Variants in SH3GL2 observed in about 807,000 individuals in gnomAD.
SH3GL2 encodes endophilin-A1.
A neutral mutation model predicts 46.0 loss-of-function variants in SH3GL2; 24 were observed. The observed-to-expected ratio is 0.52, with a 90% CI of 0.38 to 0.73. SH3GL2 has a LOEUF of 0.73. Among genes scored for constraint, SH3GL2 ranks in the 30% least tolerant of loss-of-function variants. SH3GL2 has a pLI of 0.00. For synonymous variants in SH3GL2, 196 were observed against 147.1 expected (o/e 1.33, Z -2.40); for missense variants, 413 against 424.2 (o/e 0.97, Z 0.23).
chr9:17,699,096 A>T (rs953519011), intron 1 of SH3GL2, among the ~76,000 whole-genome samples: 1 of 145,126 alleles, frequency 6.9e-6, no homozygotes, highest in Non-Finnish European at 1.5e-5. Flanking sequence ...CAGAGGTTGC[A>T]GTGAGCCGAG....
chr9:17,761,815 CT>C (rs1823183612), intron 3 of SH3GL2, among the ~76,000 whole-genome samples: 1 of 152,132 alleles, frequency 6.6e-6, no homozygotes, highest in Non-Finnish European at 1.5e-5. Flanking sequence ...TCAGTTTGAA[CT>C]TTCAAGAGAT....
chr9:17,661,489 G>T (rs1820213510), intron 1 of SH3GL2, among the ~76,000 whole-genome samples: 1 of 152,160 alleles, frequency 6.6e-6, no homozygotes, highest in South Asian at 2.1e-4. Flanking sequence ...GTAAAACAGA[G>T]CTAGGGTTTT....
At chr9:17,633,718 G>A (rs576133992) in intron 1 of SH3GL2, among the ~76,000 whole-genome samples, 34 of 152,284 alleles carry the variant, frequency 2.2e-4, no homozygotes, top group Non-Finnish European at 4.3e-4. Context: ...GGAAATAAAG[G>A]CTGAAAACAG....
At chr9:17,622,714 G>C (rs1302380397) in intron 1 of SH3GL2, among the ~76,000 whole-genome samples, 1 of 152,150 alleles carries the variant, frequency 6.6e-6, no homozygotes, top group African/African-American at 2.4e-5. Flanking sequence ...CTGGTAGGTA[G>C]GTGCTCTTGA....
chr9:17,766,270 C>A (rs1253171737), intron 3 of SH3GL2, among the ~76,000 whole-genome samples: 1 of 152,142 alleles, frequency 6.6e-6, no homozygotes, highest in African/African-American at 2.4e-5. Flanking sequence ...TTCGAGAACG[C>A]AGGACAGACA....
chr9:17,664,272 G>T (rs1000125959), intron 1 of SH3GL2, among the ~76,000 whole-genome samples: 1 of 152,146 alleles, frequency 6.6e-6, no homozygotes, highest in Admixed American at 6.5e-5. Flanking sequence ...AGCAAAGCAA[G>T]CTTCCTTTTA....
chr9:17,716,035 C>G (rs566467165), intron 1 of SH3GL2, among the ~76,000 whole-genome samples: 3 of 152,150 alleles, frequency 2.0e-5, no homozygotes, highest in South Asian at 2.1e-4. Flanking sequence ...TTAAGTTGAA[C>G]TATCATAAAT....
At chr9:17,689,014 C>G (rs906200747) in intron 1 of SH3GL2, among the ~76,000 whole-genome samples, 5 of 152,010 alleles carry the variant, frequency 3.3e-5, no homozygotes, top group Non-Finnish European at 5.9e-5. Context: ...AGTGGAGAAA[C>G]CCACACACAC....
chr9:17,724,039 A>C (rs1390563046), intron 1 of SH3GL2, among the ~76,000 whole-genome samples: 1 of 152,006 alleles, frequency 6.6e-6, no homozygotes, highest in Non-Finnish European at 1.5e-5. Flanking sequence ...TCAGTTTGGA[A>C]AATTTTTAGC....
intron 1 of SH3GL2, among the ~76,000 whole-genome samples, chr9:17,691,945 C>T (rs75610994): frequency 6.4e-4 from 98 of 152,128 alleles, no homozygotes; most frequent in African/African-American, 2.2e-3. Flanking sequence ...AAATGGAAGA[C>T]GAGGACCTAA....
At chr9:17,781,598 G>A (rs923874450) in intron 3 of SH3GL2, among the ~76,000 whole-genome samples, 28 of 152,112 alleles carry the variant, frequency 1.8e-4, no homozygotes, top group Admixed American at 6.6e-5. Flanking sequence ...CTGGGTTGCA[G>A]GGTATGTGTC....
intron 1 of SH3GL2, among the ~76,000 whole-genome samples, chr9:17,647,324 C>T (rs1178303761): frequency 6.6e-6 from 1 of 152,188 alleles, no homozygotes; most frequent in Non-Finnish European, 1.5e-5. Context: ...GGCAAGGTCA[C>T]ATTGTTTGTC....
At chr9:17,730,290 T>G (rs945349507) in intron 1 of SH3GL2, among the ~76,000 whole-genome samples, 1 of 152,116 alleles carries the variant, frequency 6.6e-6, no homozygotes, top group African/African-American at 2.4e-5. Context: ...ATGTTTTTGA[T>G]TTTTTGCACA....
chr9:17,715,342 T>C lies in SH3GL2; in HGVS notation c.46-31724T>C, dbSNP rs372113612. Among the ~76,000 whole-genome samples the C allele has an allele frequency of 2.1e-4, 32 of 151,996 alleles. No homozygotes were observed. The Middle Eastern group carries it at 0.01, about 48-fold the overall frequency. On this transcript the variant is annotated intron_variant, in intron 1 of 8. Transcript: ENST00000380607. The stretch of plus-strand genomic sequence containing the variant: ...TTAGGATTCATTGAGCTTCTTGGAT[T>C]CATCAGTTTGTTGTTTTACTGAAGT...
intron 1 of SH3GL2, among the ~76,000 whole-genome samples, chr9:17,644,161 T>C (rs1320575921): frequency 6.6e-6 from 1 of 152,138 alleles, no homozygotes; most frequent in African/African-American, 2.4e-5. Flanking sequence ...TTTATATTTC[T>C]GTGGGGTCAG....
intron 1 of SH3GL2, among the ~76,000 whole-genome samples, chr9:17,612,827 C>T (rs1464668884): frequency 6.6e-6 from 1 of 152,166 alleles, no homozygotes; most frequent in East Asian, 1.9e-4. Flanking sequence ...AGTCACTCAC[C>T]ATTTTTCCAC....
intron 3 of SH3GL2, 42 bp from the exon 4 acceptor site, chr9:17,786,337 GTC>G: frequency 6.3e-7 from 1 of 1,577,668 alleles, no homozygotes; most frequent in South Asian, 1.2e-5. Context: ...TTTCCGCAGT[GTC>G]ACATTGCCTA....
intron 1 of SH3GL2, among the ~76,000 whole-genome samples, chr9:17,675,332 A>T (rs1820578803): frequency 6.6e-6 from 1 of 152,196 alleles, no homozygotes; most frequent in South Asian, 2.1e-4. Context: ...ACTCAAGTAT[A>T]CAGGGAAGTG....
intron 2 of SH3GL2, among the ~76,000 whole-genome samples, chr9:17,756,130 G>C (rs1235657226): frequency 6.6e-6 from 1 of 151,962 alleles, no homozygotes; most frequent in African/African-American, 2.4e-5. Flanking sequence ...AAGTATGGCT[G>C]TTTTCCAACA....
Sources: gnomAD v4.1 joint callset for allele counts (sites outside exome capture counted in the v4.1 genomes callset) on GRCh38, gnomAD v4.1.1 for gene constraint, MANE v1.5 for transcripts, NCBI Gene and HGNC (gene_info 2026-07-23, HGNC 2026-07-21) for gene names.